Variants in ZFPM2 observed in about 807,000 individuals in gnomAD.
ZFPM2 encodes the protein zinc finger protein ZFPM2.
A neutral mutation model predicts 98.6 loss-of-function variants in ZFPM2; 20 were observed. That is an observed-to-expected ratio of 0.20 (90% confidence interval 0.14 to 0.29). The LOEUF (loss-of-function observed/expected upper bound fraction) is 0.29, where lower values mean the gene tolerates loss of function less well. Among genes scored for constraint, ZFPM2 ranks in the 10% least tolerant of loss-of-function variants. The pLI is 1.00. For synonymous variants in ZFPM2, 518 were observed against 502.7 expected, an observed-to-expected ratio of 1.03 and a Z score of -0.41; for missense variants, 1,310 against 1,388.6, an observed-to-expected ratio of 0.94 and a Z score of 0.90.
chr8:105,657,099 C>T (rs1317605797), intron 5 of ZFPM2, among the ~76,000 whole-genome samples: 5 of 151,920 alleles, frequency 3.3e-5, no homozygotes, highest in African/African-American at 7.2e-5. Flanking sequence ...GGTTAAGGAG[C>T]GAGATAAATT....
chr8:105,326,175 G>A (rs1449676553), intron 1 of ZFPM2, among the ~76,000 whole-genome samples: 2 of 151,478 alleles, frequency 1.3e-5, no homozygotes, highest in Admixed American at 1.3e-4. Context: ...ATAAGGTGAA[G>A]GAATAAATGC....
At chr8:105,417,636 G>T (rs1446998996) in intron 1 of ZFPM2, among the ~76,000 whole-genome samples, 1 of 152,008 alleles carries the variant, frequency 6.6e-6, no homozygotes, top group Non-Finnish European at 1.5e-5. Flanking sequence ...TTCTTTGCTT[G>T]TCTTGCTCTT....
chr8:105,738,134 A>G (rs935826028), intron 5 of ZFPM2, among the ~76,000 whole-genome samples: 1 of 151,790 alleles, frequency 6.6e-6, no homozygotes, highest in Non-Finnish European at 1.5e-5. Flanking sequence ...TTAGCCTCGT[A>G]TTCATTAGTT....
At chr8:105,670,027 C>G (rs1250778808) in intron 5 of ZFPM2, 1 of 152,020 alleles carries the variant, frequency 6.6e-6, no homozygotes, top group Non-Finnish European at 1.5e-5. Context: ...CAGCATGTCT[C>G]TAACAAAGGC....
intron 3 of ZFPM2, among the ~76,000 whole-genome samples, chr8:105,540,862 AT>A (rs1388774121): frequency 1.3e-5 from 2 of 152,056 alleles, no homozygotes; most frequent in African/African-American, 4.8e-5. Flanking sequence ...AGCTGGAAGT[AT>A]TTTTTCCTTT....
chr8:105,639,054 C>A (rs1314591972), intron 5 of ZFPM2, among the ~76,000 whole-genome samples: 11 of 152,132 alleles, frequency 7.2e-5, no homozygotes, highest in African/African-American at 2.6e-4. Flanking sequence ...ATTTACTTAT[C>A]TCTATGGATA....
At chr8:105,780,669 G>T (rs1179023913) in intron 5 of ZFPM2, 1 of 152,104 alleles carries the variant, frequency 6.6e-6, no homozygotes, top group African/African-American at 2.4e-5. Context: ...ATCACCCGAG[G>T]TCAGGAGTTT....
chr8:105,599,391 TAAAA>T (rs71577982), intron 4 of ZFPM2, among the ~76,000 whole-genome samples: 2 of 137,374 alleles, frequency 1.5e-5, no homozygotes, highest in Non-Finnish European at 3.1e-5. Flanking sequence ...TTTTCGTCTT[TAAAA>T]AAAAAAAAAA....
At chr8:105,629,576 GA>G (rs1447353672) in intron 4 of ZFPM2, among the ~76,000 whole-genome samples, 1 of 152,150 alleles carries the variant, frequency 6.6e-6, no homozygotes, top group Non-Finnish European at 1.5e-5. Context: ...TCAGAAATAT[GA>G]GTACAGATTT....
intron 5 of ZFPM2, among the ~76,000 whole-genome samples, chr8:105,661,672 G>T (rs544860110): frequency 6.6e-6 from 1 of 152,094 alleles, no homozygotes; most frequent in South Asian, 2.1e-4. Context: ...TAATCCCTGT[G>T]GGGCTCTGTG....
At chr8:105,702,803 A>T (rs1319702548) in intron 5 of ZFPM2, among the ~76,000 whole-genome samples, 2 of 152,188 alleles carry the variant, frequency 1.3e-5, no homozygotes, top group African/African-American at 4.8e-5. Flanking sequence ...CAGTTTTGAC[A>T]ACCAGATCAG....
intron 5 of ZFPM2, among the ~76,000 whole-genome samples, chr8:105,646,892 C>G (rs571858147): frequency 2.0e-5 from 3 of 152,242 alleles, no homozygotes; most frequent in South Asian, 4.1e-4. Context: ...GCCTGTGCCC[C>G]TGGATCTAAA....
chr8:105,584,603 A>G (rs975958531), intron 4 of ZFPM2, among the ~76,000 whole-genome samples: 7 of 152,216 alleles, frequency 4.6e-5, no homozygotes, highest in African/African-American at 1.4e-4. Context: ...GTAGAATAAG[A>G]TAAGTCTTTA....
chr8:105,621,179 A>G (rs1399193974), intron 4 of ZFPM2, among the ~76,000 whole-genome samples: 1 of 152,068 alleles, frequency 6.6e-6, no homozygotes, highest in East Asian at 1.9e-4. Context: ...ATGTTCTTCC[A>G]TTTGTTTGTG....
intron 5 of ZFPM2, among the ~76,000 whole-genome samples, chr8:105,698,588 A>C (rs1047924622): frequency 1.3e-5 from 2 of 152,176 alleles, no homozygotes; most frequent in African/African-American, 4.8e-5. Flanking sequence ...TTTTTATTTT[A>C]GTAGAAATAG....
rs574648427 is a variant in ZFPM2, at chr8:105,778,263, G to A, written c.533-10455G>A. Among the ~76,000 whole-genome samples, 5 of 152,204 alleles carry A rather than the reference G, an allele frequency of 3.3e-5. No individual in the cohort carries two copies. The East Asian group carries it at 7.7e-4, about 24-fold the overall frequency. ...CTGAGATCTAGGCATTACCACATGC[G>A]ATGTTGAAATGGGACAGTTATTTAG... On this transcript the variant is annotated intron_variant, in intron 5 of 7. Coordinates refer to ENST00000407775, the MANE Select transcript of ZFPM2 (RefSeq NM_012082.4).
At chr8:105,373,097 T>C (rs2129824847) in intron 1 of ZFPM2, among the ~76,000 whole-genome samples, 1 of 152,368 alleles carries the variant, frequency 6.6e-6, no homozygotes, top group South Asian at 2.1e-4. Context: ...ATTACTATTC[T>C]TGTTGGCCAG....
chr8:105,586,017 GT>G (rs1815706963), intron 4 of ZFPM2, among the ~76,000 whole-genome samples: 1 of 151,060 alleles, frequency 6.6e-6, no homozygotes, highest in South Asian at 2.1e-4. Flanking sequence ...GTGTGTGTGT[GT>G]GTGTGTGTGT....
In ZFPM2 at chr8:105,366,461, G is replaced by C. The variant is rs939462837; in HGVS notation, c.40+47480G>C. 3.6e-4 allele frequency among the ~76,000 whole-genome samples: 55 copies of C among 151,754 alleles called. 1 individual carries two copies. The highest frequency in any genetic ancestry group is 1.3e-4 in the Non-Finnish European group (9 of 67,982). On this transcript the variant is annotated intron_variant, in intron 1 of 7. Coordinates refer to ENST00000407775, the MANE Select transcript of ZFPM2 (RefSeq NM_012082.4). ...GAATCTTTATTTACATGGAAGATAA[G>C]TTGGACAGATGTATCACAAGGAGAA... is the stretch of plus-strand genomic sequence containing the variant.
Sources: gnomAD v4.1 joint callset for allele counts (sites outside exome capture counted in the v4.1 genomes callset) on GRCh38, gnomAD v4.1.1 for gene constraint, MANE v1.5 for transcripts, NCBI Gene and HGNC (gene_info 2026-07-23, HGNC 2026-07-21) for gene names.